Variants in EPHA6 observed in about 807,000 individuals in gnomAD.
EPHA6 encodes the protein ephrin type-A receptor 6.
In EPHA6, 50 loss-of-function variants were observed where a neutral mutation model predicts 112.0. That is an observed-to-expected ratio of 0.45 (90% CI 0.36 to 0.56). The LOEUF (loss-of-function observed/expected upper bound fraction) is 0.56. Among genes scored for constraint, EPHA6 ranks in the 20% least tolerant of loss-of-function variants. The pLI is 0.00. For synonymous variants in EPHA6, 529 were observed against 490.7 expected, an observed-to-expected ratio of 1.08 and a Z score of -1.03; for missense variants, 1,280 against 1,417.4, an observed-to-expected ratio of 0.90 and a Z score of 1.56.
At chr3:97,441,342 A>T (rs2090128923) in intron 6 of EPHA6, 5 of 451,092 alleles carry the variant, frequency 1.1e-5, no homozygotes, top group Non-Finnish European at 1.5e-5. Context: ...AGAAAAACAT[A>T]AAATTCACTT....
intron 3 of EPHA6, among the ~76,000 whole-genome samples, chr3:97,137,001 C>T (rs964840347): frequency 1.3e-4 from 19 of 151,944 alleles, no homozygotes; most frequent in African/African-American, 4.6e-4. Context: ...TAATAACCTA[C>T]CATCAAAAGA....
chr3:96,888,678 C>A (rs2037776920), intron 2 of EPHA6, among the ~76,000 whole-genome samples: 2 of 152,164 alleles, frequency 1.3e-5, no homozygotes, highest in Non-Finnish European at 2.9e-5. Flanking sequence ...CTGGGCCTGG[C>A]CCAGGAAACC....
At chr3:96,930,716 G>A (rs918536240) in intron 2 of EPHA6, among the ~76,000 whole-genome samples, 1 of 152,078 alleles carries the variant, frequency 6.6e-6, no homozygotes, top group African/African-American at 2.4e-5. Context: ...GTCTAGCTGG[G>A]CCTGGTGGCT....
intron 11 of EPHA6, among the ~76,000 whole-genome samples, chr3:97,557,482 C>T (rs1305630177): frequency 6.6e-6 from 1 of 151,814 alleles, no homozygotes; most frequent in African/African-American, 2.4e-5. Context: ...ATTAATATTA[C>T]CCTACCATCT....
chr3:97,267,503 GT>G (rs1244551093), intron 5 of EPHA6, among the ~76,000 whole-genome samples: 1 of 152,104 alleles, frequency 6.6e-6, no homozygotes, highest in African/African-American at 2.4e-5. Context: ...TATGTGTCAT[GT>G]AAAAGTCCTT....
At chr3:97,034,185 A>G (rs2044991613) in intron 3 of EPHA6, among the ~76,000 whole-genome samples, 1 of 151,864 alleles carries the variant, frequency 6.6e-6, no homozygotes, top group African/African-American at 2.4e-5. Flanking sequence ...CAACTGACAT[A>G]ATCAAATTAT....
At chr3:97,382,689 CAAA>C (rs1348322312) in intron 5 of EPHA6, among the ~76,000 whole-genome samples, 6 of 151,812 alleles carry the variant, frequency 4.0e-5, no homozygotes, top group African/African-American at 1.2e-4. Context: ...CAGTTATATA[CAAA>C]AAGAGACTTT....
In EPHA6 at chr3:97,709,362, C is replaced by G. The variant is rs368403859; in HGVS notation, c.2785-10899C>G. On this transcript the variant is annotated intron_variant, in intron 14 of 17. Coordinates refer to ENST00000389672, the MANE Select transcript of EPHA6 (RefSeq NM_001080448.3). The stretch of plus-strand genomic sequence containing the variant: ...AATGACTGCCCTGTTGGGTTTCAGA[C>G]TTGCATGGGGCCTGTGGCCCCTTTG... 9.2e-5 allele frequency among the ~76,000 whole-genome samples: 14 copies of G among 152,336 alleles called. No homozygotes were observed. In the South Asian group the frequency reaches 2.7e-3, roughly 29 times the overall value.
chr3:97,244,159 C>A lies in EPHA6; in HGVS notation c.1478C>A (p.Ser493Tyr), dbSNP rs2078923085. 6.2e-7 allele frequency: 1 copy of A among 1,613,088 alleles called. No individual in the cohort carries two copies. Among genetic ancestry groups the A allele is most frequent in the Non-Finnish European group, 8.5e-7 (1 of 1,179,332 alleles). The change falls in exon 5 of 18, where the codon TCC (serine) becomes TAC (tyrosine). Residue 493 changes from serine (S) to tyrosine (Y), a missense_variant. Physicochemically the swap from Ser to Tyr is moderately radical, Grantham distance 144. Coordinates refer to ENST00000389672, the MANE Select transcript of EPHA6 (RefSeq NM_001080448.3). Reference sequence around the variant, plus strand: ...AGACATACAGGCCTGATCAACAATTCCGTGATAGTACTTGACTTTGTGTCT... The same window carrying A: ...AGACATACAGGCCTGATCAACAATTACGTGATAGTACTTGACTTTGTGTCT... ...IPRHTGLINN[S>Y]VIVLDFVSHV... is the part of the protein sequence containing the mutation.
chr3:97,308,334 C>T (rs1207063151), intron 5 of EPHA6, among the ~76,000 whole-genome samples: 1 of 151,658 alleles, frequency 6.6e-6, no homozygotes, highest in Non-Finnish European at 1.5e-5. Flanking sequence ...GGGAACCCAC[C>T]ACCTATAAAA....
chr3:97,751,080 T>C lies in EPHA6; in HGVS notation c.*2379T>C, dbSNP rs544655735. ...AAACAGATTAAATTTATTAATCATA[T>C]ATTTATTTTTATAATACAAAAAAGG... is the stretch of plus-strand genomic sequence containing the variant. On this transcript the variant is annotated 3_prime_UTR_variant, in exon 18 of 18. Transcript: ENST00000389672. Among the ~76,000 whole-genome samples the C allele has an allele frequency of 6.6e-6, 1 of 152,232 alleles. No homozygotes were observed. The highest frequency in any genetic ancestry group is 2.1e-4 in the South Asian group (1 of 4,822).
intron 2 of EPHA6, among the ~76,000 whole-genome samples, chr3:96,961,134 G>T (rs1023312950): frequency 6.6e-6 from 1 of 152,234 alleles, no homozygotes; most frequent in African/African-American, 2.4e-5. Flanking sequence ...GTTTCATCTT[G>T]CCAGACATCT....
At chr3:97,547,938 T>A (rs1363368535) in intron 11 of EPHA6, among the ~76,000 whole-genome samples, 1 of 152,070 alleles carries the variant, frequency 6.6e-6, no homozygotes, top group Non-Finnish European at 1.5e-5. Flanking sequence ...AGGGTGGGAG[T>A]GACCCAATTT....
chr3:97,217,074 T>G (rs2078054866), intron 3 of EPHA6, among the ~76,000 whole-genome samples: 1 of 152,158 alleles, frequency 6.6e-6, no homozygotes, highest in Admixed American at 6.6e-5. Flanking sequence ...TTCCCCAACT[T>G]ACTATTTAGG....
chr3:96,930,851 G>A (rs1363411575), intron 2 of EPHA6, among the ~76,000 whole-genome samples: 1 of 151,756 alleles, frequency 6.6e-6, no homozygotes, highest in Non-Finnish European at 1.5e-5. Context: ...AATTAGCCAG[G>A]CATGGTGGCA....
At chr3:96,836,424 A>C (rs2107301736) in intron 1 of EPHA6, among the ~76,000 whole-genome samples, 1 of 152,232 alleles carries the variant, frequency 6.6e-6, no homozygotes. Context: ...AGTGCTGATA[A>C]TCCTTGAAGG....
At chr3:97,265,437 G>A (rs1164152521) in intron 5 of EPHA6, among the ~76,000 whole-genome samples, 4 of 152,158 alleles carry the variant, frequency 2.6e-5, no homozygotes, top group Non-Finnish European at 5.9e-5. Flanking sequence ...AGGTGGCAAG[G>A]GGCTGGTGTG....
In EPHA6 at chr3:96,984,715, C is replaced by G. The variant is rs2042952015; in HGVS notation, c.451-2615C>G. ...GTGTGCTCTACCCAGTTCCAGCTTC[C>G]CCACTGCTTTGTTTACCTACTCAAG... On this transcript the variant is annotated intron_variant, in intron 2 of 17. Coordinates refer to ENST00000389672, the MANE Select transcript of EPHA6 (RefSeq NM_001080448.3). Among the ~76,000 whole-genome samples the G allele has an allele frequency of 2.6e-5, 4 of 152,290 alleles. No individual in the cohort carries two copies. In the South Asian group the frequency reaches 6.2e-4, roughly 24 times the overall value.
intron 5 of EPHA6, among the ~76,000 whole-genome samples, chr3:97,282,334 C>G (rs1029252475): frequency 4.6e-5 from 7 of 151,988 alleles, no homozygotes; most frequent in African/African-American, 1.2e-4. Context: ...AAAGTCGAAA[C>G]AACAGATGCC....
Sources: gnomAD v4.1 joint callset for allele counts (sites outside exome capture counted in the v4.1 genomes callset) on GRCh38, gnomAD v4.1.1 for gene constraint, MANE v1.5 for transcripts, NCBI Gene and HGNC (gene_info 2026-07-23, HGNC 2026-07-21) for gene names.